Variants in DOP1B observed in about 807,000 individuals in gnomAD.
The protein encoded by DOP1B is DOP1 leucine zipper like protein B.
DOP1B carries 174 observed loss-of-function variants against 233.5 expected under a neutral mutation model. The observed-to-expected ratio is 0.75, with a 90% confidence interval of 0.66 to 0.85. The LOEUF (loss-of-function observed/expected upper bound fraction) is 0.85. Among genes scored for constraint, DOP1B ranks in the 40% least tolerant of loss-of-function variants. The probability of loss-of-function intolerance (pLI) is 0.00; values close to 1 mark genes in which losing one functional copy is unlikely to be tolerated. For missense variants in DOP1B, 2,652 were observed against 2,846.6 expected (o/e 0.93, Z 1.56); for synonymous variants, 1,190 against 1,185.6 (o/e 1.00, Z -0.08).
At chr21:36,253,652 AG>A in intron 22 of DOP1B, 119 bp from the exon 23 acceptor site, 24 of 1,163,882 alleles carry the variant, frequency 2.1e-5, no homozygotes, top group South Asian at 5.2e-5. Context: ...AAAAAAAAAA[AG>A]AGATGAAAAC....
At chr21:36,254,130 G>A (rs1363140479) in intron 23 of DOP1B, among the ~76,000 whole-genome samples, 3 of 152,082 alleles carry the variant, frequency 2.0e-5, no homozygotes, top group African/African-American at 7.2e-5. Context: ...TGAGGTCAGG[G>A]GCTCTCATTC....
rs547084730 is a variant in DOP1B at position 36,223,110 on chromosome 21, G to C, written c.1251-121G>C. On this transcript the variant is annotated intron_variant, in intron 10 of 36. Coordinates refer to ENST00000691173, the MANE Select transcript of DOP1B (RefSeq NM_001320714.2). ...ACAGTAATATTTTCATTTTTATCAG[G>C]GTGTGTCAGCTTCTCTAGAAATAAG... 46 of 947,328 alleles carry C rather than the reference G, an allele frequency of 4.9e-5. No homozygotes were observed. In the African/African-American group the frequency reaches 7.1e-4, roughly 15 times the overall value. 58.7% of individuals were successfully genotyped at this position (947,328 alleles called of 1,614,324 possible). A position where few individuals can be genotyped will look rare whatever the true frequency, so the allele number is the denominator to read the frequency against.
chr21:36,294,112 A>G lies in DOP1B; in HGVS notation c.*541A>G, dbSNP rs1285881448. 1 of 154,134 alleles carries G rather than the reference A, an allele frequency of 6.5e-6. No individual in the cohort carries two copies. Among genetic ancestry groups the G allele is most frequent in the Non-Finnish European group, 1.4e-5 (1 of 69,016 alleles). The allele number at this position is 154,134 out of a possible 1,614,324, so 9.5% of individuals were successfully genotyped here. A position where few individuals can be genotyped will look rare whatever the true frequency, so the allele number is the denominator to read the frequency against. On this transcript the variant is annotated 3_prime_UTR_variant, in exon 37 of 37. Coordinates refer to ENST00000691173, the MANE Select transcript of DOP1B (RefSeq NM_001320714.2). ...TTTATGTAATGAAAATAAAATTAATATATCATCTAACAGTAGCACAAAATT... is the reference window on the plus strand; with the variant it reads ...TTTATGTAATGAAAATAAAATTAATGTATCATCTAACAGTAGCACAAAATT...
At chr21:36,231,680 T>C (rs1054725394) in intron 14 of DOP1B, among the ~76,000 whole-genome samples, 3 of 124,772 alleles carry the variant, frequency 2.4e-5, no homozygotes, top group Non-Finnish European at 3.5e-5. Context: ...GGTTTTTTTG[T>C]TTTTTTTTTT....
At position 36,239,801 on chromosome 21, in the gene DOP1B, G is replaced by A. The variant is rs773448635; in HGVS notation, c.2913G>A (p.Thr971=). The change falls in exon 18 of 37, where the codon ACG becomes ACA. Residue 971 remains threonine, a synonymous_variant. Coordinates refer to ENST00000691173, the MANE Select transcript of DOP1B (RefSeq NM_001320714.2). The part of the protein sequence containing the change: ...LFVVLDSLAC[T]DGAIGAAAQG... ...TCGTGCTGGACAGCCTGGCCTGCAC[G>A]GATGGTGCCATCGGTGCGGCAGCCC... The A allele has an allele frequency of 9.0e-6, 14 of 1,558,802 alleles. No homozygotes were observed. The highest frequency in any genetic ancestry group is 2.1e-4 in the Middle Eastern group (1 of 4,764).
Position 36,200,244 on chromosome 21 carries a change from T to C in DOP1B, c.321-87T>C, listed in dbSNP as rs2066345223. ...GTTTAAATGGCCAGCTGTTTGCTTG[T>C]GAAAACTCCCCTCGGCTGGCTTGTC... On this transcript the variant is annotated intron_variant, in intron 3 of 36. Transcript: ENST00000691173. 6 of 1,481,754 alleles carry C rather than the reference T, an allele frequency of 4.0e-6. No homozygotes were observed. In the Admixed American group the frequency reaches 1.4e-4, roughly 36 times the overall value. 91.8% of individuals were successfully genotyped at this position (1,481,754 alleles called of 1,614,324 possible). A position where few individuals can be genotyped will look rare whatever the true frequency, so the allele number is the denominator to read the frequency against.
chr21:36,209,376 G>A (rs530690541), intron 5 of DOP1B, among the ~76,000 whole-genome samples: 36 of 152,306 alleles, frequency 2.4e-4, no homozygotes, highest in Admixed American at 1.4e-3. Flanking sequence ...CACCCACCGC[G>A]GCCTCCCAAA....
chr21:36,238,062 G>T (rs923747732), intron 16 of DOP1B, among the ~76,000 whole-genome samples: 3 of 152,338 alleles, frequency 2.0e-5, no homozygotes, highest in East Asian at 3.9e-4. Flanking sequence ...AGCTACTCGG[G>T]AGGCTGAGGC....
At chr21:36,276,154 C>T (rs528040240) in intron 27 of DOP1B, among the ~76,000 whole-genome samples, 7 of 152,054 alleles carry the variant, frequency 4.6e-5, no homozygotes, top group South Asian at 2.1e-4. Context: ...GTTTCAAGAA[C>T]GATGATGAGA....
intron 2 of DOP1B, chr21:36,170,015 T>C: frequency 1.3e-6 from 1 of 745,386 alleles, no homozygotes; most frequent in African/African-American, 1.7e-5. Flanking sequence ...TCCCGTGTGA[T>C]GTGGGTCATG....
chr21:36,283,936 CTTTTTTTTT>C (rs547999186), intron 32 of DOP1B, among the ~76,000 whole-genome samples: 3 of 100,992 alleles, frequency 3.0e-5, no homozygotes, highest in Admixed American at 2.2e-4. Flanking sequence ...ACACCTGTTC[CTTTTTTTTT>C]TTTTTTTTTT....
intron 32 of DOP1B, 29 bp from the exon 33 acceptor site, chr21:36,287,985 G>A: frequency 1.9e-6 from 3 of 1,604,808 alleles, no homozygotes; most frequent in Non-Finnish European, 2.5e-6. Context: ...GCATATTTGT[G>A]TAACATCTTT....
chr21:36,270,194 C>G, intron 27 of DOP1B, 37 bp downstream of exon 27: 1 of 1,606,626 alleles, frequency 6.2e-7, no homozygotes, highest in Non-Finnish European at 8.5e-7. Flanking sequence ...TGCCTCTGGT[C>G]AGCGCGTGGT....
rs1169136568 is a variant in DOP1B, at chr21:36,253,754, T to C, written c.5122-18T>C. On this transcript the variant is annotated intron_variant, in intron 22 of 36. Transcript: ENST00000691173. ...TTCTCTCTATAAGCTTTCAAGGAAC[T>C]TTTTTTTTTCTTGGCAGATTATCCC... is the stretch of plus-strand genomic sequence containing the variant. The C allele has an allele frequency of 1.4e-6, 2 of 1,464,426 alleles. No homozygotes were observed. The highest frequency in any genetic ancestry group is 1.9e-6 in the Non-Finnish European group (2 of 1,078,330). 90.7% of individuals were successfully genotyped at this position (1,464,426 alleles called of 1,614,324 possible). A position where few individuals can be genotyped will look rare whatever the true frequency, so the allele number is the denominator to read the frequency against.
chr21:36,256,276 A>G (rs760919140), intron 23 of DOP1B, among the ~76,000 whole-genome samples: 2 of 152,056 alleles, frequency 1.3e-5, no homozygotes, highest in Non-Finnish European at 2.9e-5. Flanking sequence ...CATCATCTCT[A>G]CAGTAAATTT....
chr21:36,195,205 G>A (rs1207388220), intron 2 of DOP1B, among the ~76,000 whole-genome samples: 1 of 152,106 alleles, frequency 6.6e-6, no homozygotes, highest in Non-Finnish European at 1.5e-5. Context: ...GCCAGGTGTG[G>A]TGGCACATGC....
chr21:36,179,954 G>A (rs1272946268), intron 2 of DOP1B, among the ~76,000 whole-genome samples: 1 of 152,128 alleles, frequency 6.6e-6, no homozygotes, highest in African/African-American at 2.4e-5. Flanking sequence ...AGGGGTATGT[G>A]CTGGCCTGCC....
At chr21:36,193,135 A>G (rs928734089) in intron 2 of DOP1B, among the ~76,000 whole-genome samples, 1 of 152,216 alleles carries the variant, frequency 6.6e-6, no homozygotes, top group Admixed American at 6.5e-5. Flanking sequence ...AGGGGTGAAT[A>G]AGTAATATCT....
At position 36,278,239 on chromosome 21, in the gene DOP1B, C is replaced by T. The variant is rs146068554; in HGVS notation, c.5853C>T (p.Gly1951=). 2.4e-5 allele frequency: 38 copies of T among 1,613,978 alleles called. No homozygotes were observed. The highest frequency in any genetic ancestry group is 1.6e-4 in the Middle Eastern group (1 of 6,084). The stretch of plus-strand genomic sequence containing the variant: ...ACAATGCTCCCAGCTTCCGGGCTGG[C>T]GCTCAGCTGCTGAGCTCCCTGAGTG... The part of the protein sequence containing the change: ...SAYNAPSFRA[G]AQLLSSLSGY... Residue 1951 remains glycine, a synonymous_variant, in exon 30 of 37, where the codon GGC becomes GGT. Transcript: ENST00000691173.
Sources: gnomAD v4.1 joint callset for allele counts (sites outside exome capture counted in the v4.1 genomes callset) on GRCh38, gnomAD v4.1.1 for gene constraint, MANE v1.5 for transcripts, NCBI Gene and HGNC (gene_info 2026-07-23, HGNC 2026-07-21) for gene names.